The following SLC1A2 variants were observed in gnomAD, a reference collection of about 807,000 sequenced individuals.
SLC1A2 encodes the protein excitatory amino acid transporter 2.
SLC1A2 carries 15 observed loss-of-function variants against 48.8 expected under a neutral mutation model. That is an observed-to-expected ratio of 0.31 (90% CI 0.21 to 0.47). SLC1A2 has a LOEUF of 0.47. Among genes scored for constraint, SLC1A2 ranks in the 20% least tolerant of loss-of-function variants. The pLI is 0.99. For synonymous variants in SLC1A2, 279 were observed against 272.6 expected, an observed-to-expected ratio of 1.02 and a Z score of -0.23; for missense variants, 502 against 730.5, an observed-to-expected ratio of 0.69 and a Z score of 3.61.
intron 1 of SLC1A2, among the ~76,000 whole-genome samples, chr11:35,338,127 C>T (rs7927263): frequency 0.026 from 3,885 of 152,228 alleles, 153 homozygotes; most frequent in African/African-American, 0.088. Context: ...GTCAACAGCC[C>T]ATTTTTATAA....
chr11:35,414,172 C>G (rs1251034613), intron 1 of SLC1A2, among the ~76,000 whole-genome samples: 2 of 152,174 alleles, frequency 1.3e-5, no homozygotes, highest in East Asian at 3.8e-4. Flanking sequence ...ATCTGTTTAT[C>G]TAAGTGAGAC....
intron 1 of SLC1A2, among the ~76,000 whole-genome samples, chr11:35,346,734 A>G (rs369692075): frequency 1.3e-5 from 2 of 152,272 alleles, no homozygotes; most frequent in African/African-American, 4.8e-5. Flanking sequence ...ATCATAAAGA[A>G]GTCAGAAAGG....
chr11:35,419,052 C>G lies in SLC1A2; in HGVS notation c.-86G>C, dbSNP rs537774370. ...CGGACGCCGGGGTGAGCGCGAAGTG[C>G]GGCCGGGAGCGGTATTTAAGAGGAG... On this transcript the variant is annotated 5_prime_UTR_variant, in exon 1 of 11. Coordinates refer to ENST00000278379, the MANE Select transcript of SLC1A2 (RefSeq NM_004171.4). The surrounding 1 kb of genome is among the most constrained non-coding windows in gnomAD (Gnocchi z 5.4). The G allele has an allele frequency of 8.0e-7, 1 of 1,250,226 alleles. No homozygotes were observed. Among genetic ancestry groups the G allele is most frequent in the African/African-American group, 1.5e-5 (1 of 65,980 alleles). The allele number at this position is 1,250,226 out of a possible 1,614,324, so 77.4% of individuals were successfully genotyped here.
At chr11:35,395,260 A>C (rs1200664942) in intron 1 of SLC1A2, among the ~76,000 whole-genome samples, 3 of 150,650 alleles carry the variant, frequency 2.0e-5, no homozygotes, top group Non-Finnish European at 4.4e-5. Flanking sequence ...AAAGTTTAGG[A>C]GTGTTTTTTT....
intron 1 of SLC1A2, among the ~76,000 whole-genome samples, chr11:35,365,629 C>G (rs1853817114): frequency 6.6e-6 from 1 of 152,090 alleles, no homozygotes; most frequent in Admixed American, 6.5e-5. Context: ...CCCTGACCAT[C>G]CCCAGCCTGC....
chr11:35,405,904 G>A (rs1246807587), intron 1 of SLC1A2, among the ~76,000 whole-genome samples: 1 of 152,160 alleles, frequency 6.6e-6, no homozygotes, highest in Non-Finnish European at 1.5e-5. Flanking sequence ...CTCAACCTTG[G>A]ATCTGTTGCC....
intron 1 of SLC1A2, among the ~76,000 whole-genome samples, chr11:35,350,511 A>G (rs966716901): frequency 6.6e-6 from 1 of 152,222 alleles, no homozygotes; most frequent in Non-Finnish European, 1.5e-5. Context: ...CCAAGGTCAT[A>G]TAACTAATAA....
At chr11:35,397,228 C>G (rs1158084713) in intron 1 of SLC1A2, among the ~76,000 whole-genome samples, 1 of 150,420 alleles carries the variant, frequency 6.6e-6, no homozygotes, top group Admixed American at 6.6e-5. Flanking sequence ...CAAGTCAATC[C>G]TAAGCCAAAA....
intron 4 of SLC1A2, among the ~76,000 whole-genome samples, chr11:35,309,409 G>A (rs1053768377): frequency 3.3e-5 from 5 of 152,156 alleles, no homozygotes; most frequent in Admixed American, 6.5e-5. Flanking sequence ...GAACCCATGC[G>A]GTCTCTATTA....
chr11:35,262,039 C>T (rs113698223), intron 10 of SLC1A2, among the ~76,000 whole-genome samples: 5,198 of 152,312 alleles, frequency 0.034, 273 homozygotes, highest in African/African-American at 0.12. Flanking sequence ...TAACTTCAAA[C>T]TACTATTACC....
chr11:35,319,876 G>A (rs1251871251), intron 1 of SLC1A2, among the ~76,000 whole-genome samples: 3 of 152,136 alleles, frequency 2.0e-5, no homozygotes, highest in Non-Finnish European at 4.4e-5. Context: ...TACCCTCTTG[G>A]AATTAAACAG....
chr11:35,295,908 G>C (rs958100283), intron 6 of SLC1A2, among the ~76,000 whole-genome samples: 4 of 152,102 alleles, frequency 2.6e-5, no homozygotes, highest in Non-Finnish European at 5.9e-5. Context: ...CAATTCCCTG[G>C]CTTACCCTGG....
At chr11:35,319,962 G>A (rs187084044) in intron 1 of SLC1A2, among the ~76,000 whole-genome samples, 14 of 152,264 alleles carry the variant, frequency 9.2e-5, no homozygotes, top group South Asian at 4.2e-4. Flanking sequence ...GACTCAGCTC[G>A]CAGCTGGAAA....
intron 1 of SLC1A2, among the ~76,000 whole-genome samples, chr11:35,405,403 G>GTT: frequency 7.1e-6 from 1 of 141,462 alleles, no homozygotes; most frequent in East Asian, 2.1e-4. Flanking sequence ...TTCTAAATCA[G>GTT]TTTTCAAGCC....
At chr11:35,346,421 G>C (rs377733717) in intron 1 of SLC1A2, among the ~76,000 whole-genome samples, 1 of 152,178 alleles carries the variant, frequency 6.6e-6, no homozygotes, top group African/African-American at 2.4e-5. Flanking sequence ...AACCAGACAG[G>C]GAAAGAAGCT....
At chr11:35,382,426 A>G (rs1404699951) in intron 1 of SLC1A2, among the ~76,000 whole-genome samples, 1 of 152,270 alleles carries the variant, frequency 6.6e-6, no homozygotes, top group African/African-American at 2.4e-5. Flanking sequence ...TAGCTAACTT[A>G]TAATGGAACA....
intron 6 of SLC1A2, among the ~76,000 whole-genome samples, chr11:35,296,288 A>G (rs1851170738): frequency 6.6e-6 from 1 of 152,204 alleles, no homozygotes; most frequent in Non-Finnish European, 1.5e-5. Context: ...TCTGTCCCAC[A>G]CGTTTCCAAT....
intron 9 of SLC1A2, among the ~76,000 whole-genome samples, chr11:35,275,138 A>C (rs1850400717): frequency 6.6e-6 from 1 of 152,160 alleles, no homozygotes; most frequent in Admixed American, 6.5e-5. Flanking sequence ...TGAATGCTCT[A>C]TTCTCTCCAG....
At chr11:35,371,014 C>T in intron 1 of SLC1A2, 1 of 985,068 alleles carries the variant, frequency 1.0e-6, no homozygotes. Flanking sequence ...CTTCCTCTCT[C>T]ATTCATGGGG....
Sources: gnomAD v4.1 joint callset for allele counts (sites outside exome capture counted in the v4.1 genomes callset) on GRCh38, gnomAD v4.1.1 for gene constraint, Gnocchi (gnomAD v3.1) non-coding constraint, MANE v1.5 for transcripts, NCBI Gene and HGNC (gene_info 2026-07-23, HGNC 2026-07-21) for gene names.